Variants in RAP2A observed in about 807,000 individuals in gnomAD.
The protein encoded by RAP2A is RAP2A, member of RAS oncogene family, also known as ras-related protein Rap-2a.
A neutral mutation model predicts 15.1 loss-of-function variants in RAP2A; 5 were observed. The observed-to-expected ratio is 0.33, with a 90% confidence interval of 0.17 to 0.70. The LOEUF (loss-of-function observed/expected upper bound fraction) is 0.70. RAP2A is among the 30% of genes least tolerant of loss of function. RAP2A has a pLI of 0.68. For synonymous variants in RAP2A, 110 were observed against 99.7 expected (o/e 1.10, Z -0.62); for missense variants, 111 against 240.3 (o/e 0.46, Z 3.56).
intron 1 of RAP2A, among the ~76,000 whole-genome samples, chr13:97,462,849 A>G (rs1347092727): frequency 6.6e-6 from 1 of 152,202 alleles, no homozygotes; most frequent in African/African-American, 2.4e-5. Flanking sequence ...TTGCTTTACA[A>G]GTTAGGATGA....
intron 1 of RAP2A, among the ~76,000 whole-genome samples, chr13:97,436,392 A>G (rs1247308031): frequency 1.3e-5 from 2 of 152,172 alleles, no homozygotes; most frequent in Non-Finnish European, 2.9e-5. Flanking sequence ...AGTCTGATAC[A>G]TTGCCACATG....
In RAP2A at chr13:97,434,911, A is replaced by G. The variant is rs541141964; in HGVS notation, c.314+127A>G. On this transcript the variant is annotated intron_variant, in intron 1 of 1. Coordinates refer to ENST00000245304, the MANE Select transcript of RAP2A (RefSeq NM_021033.7). ...GTGGCTCCAAGCTGGAGGCTTTACTATTGTCATTCTGCTCCTCCTCCTCAA... is the reference window on the plus strand; with the variant it reads ...GTGGCTCCAAGCTGGAGGCTTTACTGTTGTCATTCTGCTCCTCCTCCTCAA... 1,438 of 1,322,470 alleles carry G rather than the reference A, an allele frequency of 1.1e-3. 11 individuals are homozygous for G. The African/African-American group carries it at 0.019, about 17-fold the overall frequency. 81.9% of individuals were successfully genotyped at this position (1,322,470 alleles called of 1,614,324 possible).
chr13:97,439,560 G>A (rs182739008), intron 1 of RAP2A, among the ~76,000 whole-genome samples: 1 of 152,304 alleles, frequency 6.6e-6, no homozygotes, highest in African/African-American at 2.4e-5. Flanking sequence ...CAGTTTTGGA[G>A]ATGGTAATTA....
At chr13:97,454,397 T>G (rs936917250) in intron 1 of RAP2A, among the ~76,000 whole-genome samples, 2 of 151,286 alleles carry the variant, frequency 1.3e-5, no homozygotes, top group Non-Finnish European at 3.0e-5. Flanking sequence ...TTCTCCCTCT[T>G]CTGCCTTCTT....
At chr13:97,438,169 A>G (rs2066642057) in intron 1 of RAP2A, among the ~76,000 whole-genome samples, 1 of 152,116 alleles carries the variant, frequency 6.6e-6, no homozygotes, top group South Asian at 2.1e-4. Flanking sequence ...TGCTTTTTTC[A>G]TTGTTACCCA....
chr13:97,463,119 A>AAC (rs10582343), intron 1 of RAP2A, among the ~76,000 whole-genome samples: 8 of 151,552 alleles, frequency 5.3e-5, no homozygotes, highest in East Asian at 1.9e-4. Context: ...CACACACACA[A>AAC]ACACACACAC....
chr13:97,465,557 G>A lies in RAP2A; in HGVS notation c.*1115G>A, dbSNP rs1299759204. ...CATGTGAAATAATTTGGGCTTAAAA[G>A]TGAACATAAATTATAGAGTGGAAGG... On this transcript the variant is annotated 3_prime_UTR_variant, in exon 2 of 2. Coordinates refer to ENST00000245304, the MANE Select transcript of RAP2A (RefSeq NM_021033.7). 3.3e-5 allele frequency: 5 copies of A among 152,628 alleles called. No homozygotes were observed. Among genetic ancestry groups the A allele is most frequent in the Admixed American group, 2.0e-4 (3 of 15,284 alleles). The allele number at this position is 152,628 out of a possible 1,614,324, so 9.5% of individuals were successfully genotyped here. A position where few individuals can be genotyped will look rare whatever the true frequency, so the allele number is the denominator to read the frequency against.
rs572586195 is a variant in RAP2A at position 97,462,065 on chromosome 13, T to G, written c.315-2140T>G. On this transcript the variant is annotated intron_variant, in intron 1 of 1. Coordinates refer to ENST00000245304, the MANE Select transcript of RAP2A (RefSeq NM_021033.7). Reference sequence around the variant, plus strand: ...ATTTATATATATATTTATATATATATTTATATATTATATATATTGTATTTA... The same window carrying G: ...ATTTATATATATATTTATATATATAGTTATATATTATATATATTGTATTTA... Among the ~76,000 whole-genome samples, 1,428 of 144,788 alleles carry G rather than the reference T, an allele frequency of 9.9e-3. 23 individuals are homozygous for G. Among genetic ancestry groups the G allele is most frequent in the African/African-American group, 0.034 (1,335 of 39,628 alleles). The allele number at this position is 144,788 out of a possible 152,430, so 95.0% of individuals were successfully genotyped here.
Position 97,454,257 on chromosome 13 carries a change from A to T in RAP2A, c.315-9948A>T, listed in dbSNP as rs564467180. Among the ~76,000 whole-genome samples, 53 of 151,280 alleles carry T rather than the reference A, an allele frequency of 3.5e-4. 2 individuals carry two copies. The highest frequency in any genetic ancestry group is 1.1e-3 in the African/African-American group (44 of 41,134). ...TGATAGCATGGATGTAGGTCTTTTT[A>T]AAAAAATTAAGTCTGAAAATCTTTT... is the stretch of plus-strand genomic sequence containing the variant. On this transcript the variant is annotated intron_variant, in intron 1 of 1. Transcript: ENST00000245304.
chr13:97,452,756 C>T, intron 1 of RAP2A, among the ~76,000 whole-genome samples: 1 of 151,250 alleles, frequency 6.6e-6, no homozygotes, highest in East Asian at 1.9e-4. Flanking sequence ...AATAATATTG[C>T]ATCTTCCAGT....
chr13:97,446,898 T>C (rs924225351), intron 1 of RAP2A, among the ~76,000 whole-genome samples: 4 of 152,322 alleles, frequency 2.6e-5, no homozygotes, highest in African/African-American at 9.6e-5. Context: ...CCCAAATTGT[T>C]GACCCACAGC....
chr13:97,457,749 T>C (rs1401996336), intron 1 of RAP2A, among the ~76,000 whole-genome samples: 1 of 152,124 alleles, frequency 6.6e-6, no homozygotes, highest in African/African-American at 2.4e-5. Flanking sequence ...AGGATAGATA[T>C]CAAAATAGTT....
intron 1 of RAP2A, among the ~76,000 whole-genome samples, chr13:97,459,150 T>G (rs766118807): frequency 2.6e-5 from 4 of 152,202 alleles, no homozygotes; most frequent in Non-Finnish European, 2.9e-5. Flanking sequence ...TGCTGATGTT[T>G]AAGATGTAAG....
chr13:97,444,813 CTAA>C (rs1184564489), intron 1 of RAP2A, among the ~76,000 whole-genome samples: 1 of 152,152 alleles, frequency 6.6e-6, no homozygotes, highest in Non-Finnish European at 1.5e-5. Flanking sequence ...GTCTACAAGA[CTAA>C]TGACAACAAT....
Position 97,450,353 on chromosome 13 carries a change from C to CAAT in RAP2A, c.315-13850_315-13848dup, listed in dbSNP as rs575947208. Among the ~76,000 whole-genome samples the CAAT allele has an allele frequency of 4.6e-5, 7 of 152,124 alleles. No homozygotes were observed. In the South Asian group the frequency reaches 1.5e-3, roughly 32 times the overall value. ...TGACTCAATTTAATCTTTTCAAGTA[C>CAAT]AATAGTCAGGCCTGTTTTTTAATGC... On this transcript the variant is annotated intron_variant, in intron 1 of 1. Coordinates refer to ENST00000245304, the MANE Select transcript of RAP2A (RefSeq NM_021033.7).
At position 97,434,787 on chromosome 13, in the gene RAP2A, G is replaced by A. The variant is rs2066625390; in HGVS notation, c.314+3G>A. 3.7e-6 allele frequency: 6 copies of A among 1,613,716 alleles called. No homozygotes were observed. The East Asian group carries it at 8.9e-5, about 24-fold the overall frequency. On this transcript the variant is annotated splice_donor_region_variant and intron_variant, in intron 1 of 1. Transcript: ENST00000245304. Reference sequence around the variant, plus strand: ...GACCAGATCATCCGCGTGAAGCGGTGAGCGAGGGCACACGGGGGCTTGGCG... The same window carrying A: ...GACCAGATCATCCGCGTGAAGCGGTAAGCGAGGGCACACGGGGGCTTGGCG...
At chr13:97,450,146 T>C (rs1281174067) in intron 1 of RAP2A, among the ~76,000 whole-genome samples, 1 of 152,202 alleles carries the variant, frequency 6.6e-6, no homozygotes, top group African/African-American at 2.4e-5. Context: ...TATTTAAATC[T>C]TCTTCATTCA....
intron 1 of RAP2A, among the ~76,000 whole-genome samples, chr13:97,461,996 A>T (rs1368444456): frequency 6.9e-6 from 1 of 144,614 alleles, no homozygotes; most frequent in Non-Finnish European, 1.5e-5. Context: ...ATATTTATAT[A>T]TTTATATTTA....
chr13:97,435,487 A>AG (rs2066630052), intron 1 of RAP2A, among the ~76,000 whole-genome samples: 1 of 148,118 alleles, frequency 6.8e-6, no homozygotes, highest in Non-Finnish European at 1.5e-5. Context: ...AAAAAAAAAA[A>AG]CACCACCACA....
Sources: allele counts gnomAD v4.1 joint callset (sites outside exome capture counted in the v4.1 genomes callset), GRCh38; gene constraint gnomAD v4.1.1; transcripts MANE v1.5; gene names NCBI Gene and HGNC (gene_info 2026-07-23, HGNC 2026-07-21).